Variants in XPO7 observed in about 807,000 individuals in gnomAD.
The protein encoded by XPO7 is exportin-7.
In XPO7, 21 loss-of-function variants were observed where a neutral mutation model predicts 144.3. The observed-to-expected ratio is 0.15, with a 90% CI of 0.10 to 0.21. The LOEUF (loss-of-function observed/expected upper bound fraction) is 0.21. Among genes scored for constraint, XPO7 ranks in the 10% least tolerant of loss-of-function variants. The pLI, the probability that XPO7 is intolerant of heterozygous loss-of-function variation, is 1.00. For missense variants in XPO7, 808 were observed against 1,325.8 expected (o/e 0.61, Z 6.06); for synonymous variants, 580 against 499.6 (o/e 1.16, Z -2.15).
chr8:21,963,539 T>C (rs200059582), intron 1 of XPO7, among the ~76,000 whole-genome samples: 4 of 151,744 alleles, frequency 2.6e-5, no homozygotes, highest in African/African-American at 9.7e-5. Context: ...ACTAAAAATA[T>C]AAAAAATTAG....
chr8:21,959,676 A>G (rs1417655139), intron 1 of XPO7, among the ~76,000 whole-genome samples: 3 of 152,214 alleles, frequency 2.0e-5, no homozygotes, highest in South Asian at 2.1e-4. Context: ...CGTTTTCATG[A>G]TCATTTTAAC....
intron 1 of XPO7, 69 bp downstream of exon 1, chr8:21,919,857 C>T: frequency 3.1e-6 from 1 of 319,282 alleles, no homozygotes; most frequent in Non-Finnish European, 5.8e-6. Context: ...GTGCACACGG[C>T]CCACAGGGCG....
intron 1 of XPO7, among the ~76,000 whole-genome samples, chr8:21,921,166 T>C (rs946806977): frequency 6.6e-6 from 1 of 152,212 alleles, no homozygotes; most frequent in African/African-American, 2.4e-5. Flanking sequence ...ATAATAATAG[T>C]ATAGCACCTT....
chr8:21,978,831 G>C (rs1563329816), intron 8 of XPO7, among the ~76,000 whole-genome samples: 1 of 152,198 alleles, frequency 6.6e-6, no homozygotes, highest in East Asian at 1.9e-4. Context: ...CGGAAGAGGG[G>C]TACCCTGTTC....
intron 1 of XPO7, among the ~76,000 whole-genome samples, chr8:21,926,236 C>T (rs1416845826): frequency 6.6e-6 from 1 of 152,094 alleles, no homozygotes; most frequent in East Asian, 1.9e-4. Flanking sequence ...TGTACTACTT[C>T]AGGAAATTGT....
intron 1 of XPO7, among the ~76,000 whole-genome samples, chr8:21,946,828 T>C (rs1811210383): frequency 1.3e-5 from 2 of 151,616 alleles, no homozygotes; most frequent in South Asian, 4.2e-4. Context: ...AAACATCTTA[T>C]CAGAAAGAAA....
Position 21,974,677 on chromosome 8 carries a change from C to T in XPO7, c.500C>T (p.Thr167Ile). Reference protein sequence around the residue: ...QLTNEINQADTTHPLTKHRKI... With the variant: ...QLTNEINQADITHPLTKHRKI... ...TCTTCTTTTTCTGCACAGGCAGACA[C>T]CACCCATCCTTTAACCAAGCACAGA... Residue 167 changes from threonine (T) to isoleucine (I), a missense_variant, in exon 6 of 28, where the codon ACC becomes ATC. Physicochemically the swap from Thr to Ile is moderately conservative, Grantham distance 89. Coordinates refer to ENST00000252512, the MANE Select transcript of XPO7 (RefSeq NM_015024.5). 1 of 1,587,430 alleles carries T rather than the reference C, an allele frequency of 6.3e-7. No homozygotes were observed. Among genetic ancestry groups the T allele is most frequent in the Non-Finnish European group, 8.6e-7 (1 of 1,166,386 alleles).
chr8:21,938,539 C>A (rs1248160889), intron 1 of XPO7, among the ~76,000 whole-genome samples: 1 of 152,188 alleles, frequency 6.6e-6, no homozygotes, highest in East Asian at 1.9e-4. Flanking sequence ...GAGAAACTCA[C>A]TGATAATGTA....
chr8:21,976,528 G>C lies in XPO7; in HGVS notation c.763+7G>C, dbSNP rs764506748. Reference sequence around the variant, plus strand: ...CCCACCAGCTGGAGATCAGGTAACAGAACTTCCTCCACCTCAAAGGCTGTC... The same window carrying C: ...CCCACCAGCTGGAGATCAGGTAACACAACTTCCTCCACCTCAAAGGCTGTC... On this transcript the variant is annotated splice_region_variant and intron_variant, in intron 7 of 27. Coordinates refer to ENST00000252512, the MANE Select transcript of XPO7 (RefSeq NM_015024.5). The C allele has an allele frequency of 6.2e-7, 1 of 1,608,044 alleles. No individual in the cohort carries two copies. Among genetic ancestry groups the C allele is most frequent in the Non-Finnish European group, 8.5e-7 (1 of 1,176,608 alleles).
At position 21,919,733 on chromosome 8, in the gene XPO7, G is replaced by A. The variant is rs1425904827; in HGVS notation, c.-38G>A. ...GGCTCCGGCCGAGGTGCGCGCTGGG[G>A]GGGAGGGGGGGCCGGAGAGGAGCAT... On this transcript the variant is annotated 5_prime_UTR_variant, in exon 1 of 28. Transcript: ENST00000252512. 1 of 394,266 alleles carries A rather than the reference G, an allele frequency of 2.5e-6. No homozygotes were observed. The allele number at this position is 394,266 out of a possible 1,614,324, so 24.4% of individuals were successfully genotyped here.
At chr8:21,932,250 A>G (rs1392407684) in intron 1 of XPO7, among the ~76,000 whole-genome samples, 2 of 152,230 alleles carry the variant, frequency 1.3e-5, no homozygotes, top group African/African-American at 2.4e-5. Context: ...TATAGATCAT[A>G]CAGCAGTATA....
At chr8:22,004,106 A>G (rs1191354729) in intron 27 of XPO7, 76 bp downstream of exon 27, 5 of 1,582,240 alleles carry the variant, frequency 3.2e-6, no homozygotes, top group African/African-American at 2.7e-5. Flanking sequence ...CAGTTGCTTT[A>G]AAGTCTTTGA....
At chr8:21,975,031 A>C (rs1353375245) in intron 6 of XPO7, among the ~76,000 whole-genome samples, 29 of 152,236 alleles carry the variant, frequency 1.9e-4, no homozygotes, top group Non-Finnish European at 7.4e-5. Flanking sequence ...TTTATCCCAT[A>C]CTCCTATCTT....
At chr8:21,926,556 T>G (rs1057016145) in intron 1 of XPO7, among the ~76,000 whole-genome samples, 1 of 145,298 alleles carries the variant, frequency 6.9e-6, no homozygotes, top group Admixed American at 7.0e-5. Flanking sequence ...TCAAAGCTTG[T>G]TTTTTTTTTA....
At chr8:21,986,760 C>T (rs576166835) in intron 13 of XPO7, among the ~76,000 whole-genome samples, 1 of 152,306 alleles carries the variant, frequency 6.6e-6, no homozygotes, top group South Asian at 2.1e-4. Context: ...CATGATGTGT[C>T]ACAAATAGTT....
At chr8:21,982,615 C>T (rs1331718471) in intron 10 of XPO7, 25 bp from the exon 11 acceptor site, 1 of 1,553,406 alleles carries the variant, frequency 6.4e-7, no homozygotes, top group African/African-American at 1.4e-5. Flanking sequence ...AAAAATATGC[C>T]TTCTGCTTTT....
intron 1 of XPO7, among the ~76,000 whole-genome samples, chr8:21,920,240 C>T (rs1793193564): frequency 6.6e-6 from 1 of 152,048 alleles, no homozygotes; most frequent in South Asian, 2.1e-4. Flanking sequence ...TGATAAACCT[C>T]GCTCTCCGGA....
intron 1 of XPO7, among the ~76,000 whole-genome samples, chr8:21,961,211 T>G (rs1265418008): frequency 6.6e-6 from 1 of 151,406 alleles, no homozygotes; most frequent in East Asian, 1.9e-4. Context: ...GGTGTTTTTT[T>G]TTTTTTTTCT....
intron 1 of XPO7, among the ~76,000 whole-genome samples, chr8:21,924,068 T>G (rs140845777): frequency 6.6e-6 from 1 of 152,148 alleles, no homozygotes; most frequent in South Asian, 2.1e-4. Context: ...CTGCAGTCAA[T>G]CTCAGGGCTT....
Sources: allele counts gnomAD v4.1 joint callset (sites outside exome capture counted in the v4.1 genomes callset), GRCh38; gene constraint gnomAD v4.1.1; transcripts MANE v1.5; gene names NCBI Gene and HGNC (gene_info 2026-07-23, HGNC 2026-07-21).